The following ATE1 variants were observed in gnomAD, a reference collection of about 807,000 sequenced individuals.
ATE1 encodes arginyltransferase 1.
Under a neutral mutation model 70.5 loss-of-function variants are expected in ATE1, and 36 were observed. The observed-to-expected ratio is 0.51, with a 90% CI of 0.39 to 0.67. The LOEUF (loss-of-function observed/expected upper bound fraction) is 0.67, where lower values mean the gene tolerates loss of function less well. Among genes scored for constraint, ATE1 ranks in the 30% least tolerant of loss-of-function variants. The pLI is 0.00. For synonymous variants in ATE1, 232 were observed against 219.3 expected, an observed-to-expected ratio of 1.06 and a Z score of -0.51; for missense variants, 593 against 629.5, an observed-to-expected ratio of 0.94 and a Z score of 0.62.
chr10:121,831,770 T>A (rs917383254), intron 10 of ATE1, among the ~76,000 whole-genome samples: 4 of 152,130 alleles, frequency 2.6e-5, no homozygotes, highest in African/African-American at 9.7e-5. Flanking sequence ...TTACTTTATT[T>A]AAAAAAAGAC....
intron 11 of ATE1, among the ~76,000 whole-genome samples, chr10:121,786,653 A>AG (rs397773976): frequency 6.6e-6 from 1 of 151,926 alleles, no homozygotes; most frequent in Non-Finnish European, 1.5e-5. Context: ...AAAAAAAAAA[A>AG]TCTTTATTAG....
intron 11 of ATE1, among the ~76,000 whole-genome samples, chr10:121,760,911 A>G (rs1481576311): frequency 6.6e-6 from 1 of 152,154 alleles, no homozygotes; most frequent in African/African-American, 2.4e-5. Context: ...TGTCCTCCCA[A>G]ACATCATGTT....
At chr10:121,907,054 A>C (rs1192808331) in intron 5 of ATE1, among the ~76,000 whole-genome samples, 1 of 152,204 alleles carries the variant, frequency 6.6e-6, no homozygotes, top group African/African-American at 2.4e-5. Flanking sequence ...GGAAAAAGCA[A>C]AAGGTTAATG....
At chr10:121,745,597 G>GCAT (rs2135662520) in intron 11 of ATE1, among the ~76,000 whole-genome samples, 1 of 152,208 alleles carries the variant, frequency 6.6e-6, no homozygotes, top group South Asian at 2.1e-4. Context: ...CGTGGTGGCG[G>GCAT]GCGCCTGTAG....
chr10:121,826,998 T>C (rs1391934676), intron 10 of ATE1, among the ~76,000 whole-genome samples: 1 of 149,458 alleles, frequency 6.7e-6, no homozygotes, highest in African/African-American at 2.4e-5. Context: ...TCACATTTTC[T>C]TTACTGTTGA....
chr10:121,744,495 C>T (rs184124753), intron 11 of ATE1, among the ~76,000 whole-genome samples: 93 of 152,252 alleles, frequency 6.1e-4, no homozygotes, highest in African/African-American at 2.0e-3. Flanking sequence ...TACAACTCTC[C>T]GGCATCATTC....
chr10:121,816,147 G>A (rs1947532449), intron 10 of ATE1, among the ~76,000 whole-genome samples: 1 of 152,114 alleles, frequency 6.6e-6, no homozygotes, highest in South Asian at 2.1e-4. Context: ...ATAGTGTTTA[G>A]ACTGTAAGTT....
Position 121,911,597 on chromosome 10 carries a change from T to C in ATE1, c.338-446A>G, listed in dbSNP as rs554872465. Among the ~76,000 whole-genome samples, 6 of 152,296 alleles carry C rather than the reference T, an allele frequency of 3.9e-5. 1 individual carries two copies. The highest frequency in any genetic ancestry group is 1.2e-4 in the African/African-American group (5 of 41,562). ...TAGTTTTAAAGGAAACTTGCGACCC[T>C]GAACTTCTACCCTTCCCCACAATGG... On this transcript the variant is annotated intron_variant, in intron 4 of 11. Coordinates refer to ENST00000224652, the MANE Select transcript of ATE1 (RefSeq NM_001001976.3).
chr10:121,902,922 A>G (rs1032427773), intron 5 of ATE1, among the ~76,000 whole-genome samples: 4 of 151,908 alleles, frequency 2.6e-5, no homozygotes, highest in African/African-American at 4.8e-5. Context: ...CTGGAGTGCA[A>G]TGGCATGATC....
At chr10:121,764,802 T>C (rs1035893516) in intron 11 of ATE1, among the ~76,000 whole-genome samples, 5 of 152,226 alleles carry the variant, frequency 3.3e-5, no homozygotes, top group Non-Finnish European at 5.9e-5. Flanking sequence ...TGGAATGTGC[T>C]GTAGAACTGT....
chr10:121,744,216 C>T (rs935071424), intron 11 of ATE1, among the ~76,000 whole-genome samples: 1 of 151,878 alleles, frequency 6.6e-6, no homozygotes, highest in Non-Finnish European at 1.5e-5. Context: ...GTCACTGTAC[C>T]CAGCCTTCAT....
intron 11 of ATE1, among the ~76,000 whole-genome samples, chr10:121,789,685 A>G (rs1172252902): frequency 1.3e-5 from 2 of 152,250 alleles, no homozygotes; most frequent in East Asian, 3.9e-4. Flanking sequence ...GGCTGGGACT[A>G]TACTGGAAGG....
At position 121,841,161 on chromosome 10, in the gene ATE1, G is replaced by C. The variant is rs140668894; in HGVS notation, c.1078C>G (p.Pro360Ala). 2 of 1,601,470 alleles carry C rather than the reference G, an allele frequency of 1.2e-6. No homozygotes were observed. The highest frequency in any genetic ancestry group is 1.7e-6 in the Non-Finnish European group (2 of 1,172,016). The change falls in exon 9 of 12, where the codon CCA (proline) becomes GCA (alanine). Residue 360 changes from proline (P) to alanine (A), a missense_variant. Pro to Ala is a conservative substitution (Grantham distance 27, BLOSUM62 -1). This residue lies in a region of ATE1 where 467 missense variants were observed against 469.6 expected (regional missense o/e 0.99). Coordinates refer to ENST00000224652, the MANE Select transcript of ATE1 (RefSeq NM_001001976.3). ...AAATACACAGATGATACACAGTTTGGGAGGATGTCAATCACCCCCACAGCA... is the reference window on the plus strand; with the variant it reads ...AAATACACAGATGATACACAGTTTGCGAGGATGTCAATCACCCCCACAGCA... ...IIAVGVIDIL[P>A]NCVSSVYLYY...
intron 11 of ATE1, among the ~76,000 whole-genome samples, chr10:121,766,569 G>T (rs1158018224): frequency 6.6e-6 from 1 of 151,936 alleles, no homozygotes; most frequent in Non-Finnish European, 1.5e-5. Context: ...TGAAAAAGTT[G>T]GCAACTCTGA....
At chr10:121,759,978 T>C (rs925963070) in intron 11 of ATE1, among the ~76,000 whole-genome samples, 5 of 151,700 alleles carry the variant, frequency 3.3e-5, no homozygotes, top group Non-Finnish European at 7.4e-5. Context: ...ATGGTAAATT[T>C]TGTGCTTTAT....
chr10:121,818,748 GTT>G (rs1216759362), intron 10 of ATE1, among the ~76,000 whole-genome samples: 1 of 152,140 alleles, frequency 6.6e-6, no homozygotes, highest in Non-Finnish European at 1.5e-5. Context: ...TTAAAAACTT[GTT>G]TAACAAGAGA....
chr10:121,893,202 G>A (rs1481890995), intron 7 of ATE1, among the ~76,000 whole-genome samples: 4 of 151,408 alleles, frequency 2.6e-5, no homozygotes, highest in Non-Finnish European at 4.4e-5. Flanking sequence ...GCTTAAATCC[G>A]GGAGGCAGAG....
chr10:121,928,363 C>G (rs1223219372), upstream of ATE1: 2 of 1,533,848 alleles, frequency 1.3e-6, no homozygotes, highest in South Asian at 1.2e-5. Context: ...ACGCTTTGCC[C>G]TCCTTGGAAT....
At chr10:121,776,291 T>G (rs1945735781) in intron 11 of ATE1, among the ~76,000 whole-genome samples, 1 of 151,968 alleles carries the variant, frequency 6.6e-6, no homozygotes, top group African/African-American at 2.4e-5. Flanking sequence ...ACTGTATTTT[T>G]ATTTCCATCC....
Sources: allele counts gnomAD v4.1 joint callset (sites outside exome capture counted in the v4.1 genomes callset), GRCh38; gene constraint gnomAD v4.1.1; regional missense constraint gnomAD v4.1.1; transcripts MANE v1.5; gene names NCBI Gene and HGNC (gene_info 2026-07-23, HGNC 2026-07-21).